Variants in MEGF9 observed in about 807,000 individuals in gnomAD.
The protein encoded by MEGF9 is multiple epidermal growth factor-like domains protein 9.
In MEGF9, 6 loss-of-function variants were observed where a neutral mutation model predicts 46.8. The observed-to-expected ratio is 0.13, with a 90% CI of 0.07 to 0.25. MEGF9 has a LOEUF of 0.25. MEGF9 is among the 10% of genes least tolerant of loss of function. MEGF9 has a pLI of 1.00. For missense variants in MEGF9, 683 were observed against 792.4 expected, an observed-to-expected ratio of 0.86 and a Z score of 1.66; for synonymous variants, 302 against 330.7, an observed-to-expected ratio of 0.91 and a Z score of 0.94.
chr9:120,709,841 A>C (rs999627672), intron 1 of MEGF9, among the ~76,000 whole-genome samples: 3 of 151,262 alleles, frequency 2.0e-5, no homozygotes, highest in Non-Finnish European at 4.4e-5. Context: ...CTGAGGTCAG[A>C]AGTTCGAGAC....
In MEGF9 at chr9:120,684,612, G is replaced by A. The variant is rs544942521; in HGVS notation, c.602-25037C>T. On this transcript the variant is annotated intron_variant, in intron 1 of 5. Coordinates refer to ENST00000373930, the MANE Select transcript of MEGF9 (RefSeq NM_001080497.3). ...CTGTGAAATTCTTTGCTTTATCATC[G>A]TGACTAAGCATTTGAGTAACATTTT... Among the ~76,000 whole-genome samples, 10 of 152,148 alleles carry A rather than the reference G, an allele frequency of 6.6e-5. No homozygotes were observed. The East Asian group carries it at 7.7e-4, about 12-fold the overall frequency.
intron 2 of MEGF9, among the ~76,000 whole-genome samples, chr9:120,643,903 T>C (rs1462590601): frequency 6.6e-6 from 1 of 152,036 alleles, no homozygotes; most frequent in Admixed American, 6.6e-5. Flanking sequence ...GTTGTAGAGA[T>C]GGGGTCTCCT....
chr9:120,663,099 C>A (rs1364391466), intron 1 of MEGF9, among the ~76,000 whole-genome samples: 1 of 152,086 alleles, frequency 6.6e-6, no homozygotes, highest in Non-Finnish European at 1.5e-5. Flanking sequence ...AGAGAGACCA[C>A]CCCAGGGATA....
chr9:120,688,180 CACA>C (rs2043832564), intron 1 of MEGF9, among the ~76,000 whole-genome samples: 2 of 151,572 alleles, frequency 1.3e-5, no homozygotes, highest in Non-Finnish European at 2.9e-5. Context: ...CGCACGCACA[CACA>C]ACTTCTCTTA....
At chr9:120,708,238 G>A (rs1230631758) in intron 1 of MEGF9, among the ~76,000 whole-genome samples, 1 of 152,078 alleles carries the variant, frequency 6.6e-6, no homozygotes, top group East Asian at 1.9e-4. Context: ...GGCGGCATGC[G>A]CCTGTAGTCC....
intron 3 of MEGF9, 48 bp from the exon 4 acceptor site, chr9:120,612,587 C>T: frequency 6.6e-7 from 1 of 1,518,458 alleles, no homozygotes; most frequent in Non-Finnish European, 8.9e-7. Context: ...ACCTTGAAAG[C>T]CAAGTAACTT....
At chr9:120,628,478 T>G (rs80226644) in intron 2 of MEGF9, among the ~76,000 whole-genome samples, 42 of 138,706 alleles carry the variant, frequency 3.0e-4, no homozygotes, top group African/African-American at 1.0e-3. Flanking sequence ...GTTTTTTTTT[T>G]TTTTTTTTTT....
At chr9:120,633,616 T>G (rs903222931) in intron 2 of MEGF9, among the ~76,000 whole-genome samples, 1 of 152,144 alleles carries the variant, frequency 6.6e-6, no homozygotes, top group Non-Finnish European at 1.5e-5. Context: ...ATCTTTATTA[T>G]GTCTTTCCTT....
At chr9:120,685,695 T>C (rs1311668946) in intron 1 of MEGF9, among the ~76,000 whole-genome samples, 2 of 152,198 alleles carry the variant, frequency 1.3e-5, no homozygotes, top group South Asian at 2.1e-4. Flanking sequence ...ATTTACCATA[T>C]ATGATTCAAC....
chr9:120,602,872 A>G lies in MEGF9; in HGVS notation c.*2318T>C, dbSNP rs2043403657. ...TATGCAGCAACTGCTAGGGAAAGCAAATTTTCCCTTCCTGCTTGGAGAGAT... is the reference window on the plus strand; with the variant it reads ...TATGCAGCAACTGCTAGGGAAAGCAGATTTTCCCTTCCTGCTTGGAGAGAT... On this transcript the variant is annotated 3_prime_UTR_variant, in exon 6 of 6. Transcript: ENST00000373930. The G allele has an allele frequency of 6.6e-6, 1 of 152,092 alleles. No homozygotes were observed. The highest frequency in any genetic ancestry group is 1.5e-5 in the Non-Finnish European group (1 of 68,018). 9.4% of individuals were successfully genotyped at this position (152,092 alleles called of 1,614,324 possible).
chr9:120,628,975 GTTTTGTT>G (rs1371759355), intron 2 of MEGF9, among the ~76,000 whole-genome samples: 1 of 151,336 alleles, frequency 6.6e-6, no homozygotes, highest in African/African-American at 2.4e-5. Flanking sequence ...TGATGACTTT[GTTTTGTT>G]TTTTGTTTTT....
rs771311729 is a variant in MEGF9 at position 120,659,544 on chromosome 9, G to C, written c.633C>G (p.Ser211Arg). Reference sequence around the variant, plus strand: ...TCTGGTTGCAGCGATTCACATTCAGGCTTCCAACCACAGAGCAGTTACATA... The same window carrying C: ...TCTGGTTGCAGCGATTCACATTCAGCCTTCCAACCACAGAGCAGTTACATA... Reference protein sequence around the residue: ...EYVCNCSVVGSLNVNRCNQTT... With the variant: ...EYVCNCSVVGRLNVNRCNQTT... The change falls in exon 2 of 6, where the codon AGC becomes AGG. Residue 211 changes from serine (S) to arginine (R), a missense_variant. Around this residue, in one of 2 missense-constraint regions of MEGF9, gnomAD observed 370 missense variants for 371.3 expected, o/e 1.00. Transcript: ENST00000373930. The C allele has an allele frequency of 6.2e-7, 1 of 1,613,080 alleles. No individual in the cohort carries two copies.
chr9:120,681,394 G>C (rs62578016), intron 1 of MEGF9, among the ~76,000 whole-genome samples: 132 of 152,244 alleles, frequency 8.7e-4, no homozygotes, highest in Non-Finnish European at 1.5e-3. Flanking sequence ...GGCTGAGCTT[G>C]TATCCAAGAT....
rs576726291 is a variant in MEGF9 at position 120,659,525 on chromosome 9, T to C, written c.652A>G (p.Asn218Asp). The C allele has an allele frequency of 6.8e-6, 11 of 1,613,670 alleles. No homozygotes were observed. The East Asian group carries it at 2.0e-4, about 29-fold the overall frequency. ...CACTCACACTGCCCTGTGGTCTGGT[T>C]GCAGCGATTCACATTCAGGCTTCCA... The part of the protein sequence containing the change: ...VVGSLNVNRC[N>D]QTTGQCECRP... The change falls in exon 2 of 6, where the codon AAC becomes GAC. Residue 218 changes from asparagine to aspartate, a missense_variant. Around this residue, in one of 2 missense-constraint regions of MEGF9, gnomAD observed 370 missense variants for 371.3 expected, o/e 1.00. Transcript: ENST00000373930.
intron 2 of MEGF9, among the ~76,000 whole-genome samples, chr9:120,637,241 C>A (rs2043581385): frequency 6.6e-6 from 1 of 152,046 alleles, no homozygotes; most frequent in Non-Finnish European, 1.5e-5. Flanking sequence ...CGTTAAGAGT[C>A]ATCACCACTC....
chr9:120,691,023 C>T (rs2043845689), intron 1 of MEGF9, among the ~76,000 whole-genome samples: 1 of 152,062 alleles, frequency 6.6e-6, no homozygotes, highest in Non-Finnish European at 1.5e-5. Flanking sequence ...CATTGATAAG[C>T]ATTTCTTTGA....
intron 1 of MEGF9, among the ~76,000 whole-genome samples, chr9:120,685,930 C>A (rs2043820304): frequency 6.6e-6 from 1 of 152,026 alleles, no homozygotes; most frequent in South Asian, 2.1e-4. Context: ...CATGGAGAAA[C>A]CTTGAGGTCA....
intron 1 of MEGF9, among the ~76,000 whole-genome samples, chr9:120,666,527 C>G (rs2043725825): frequency 6.6e-6 from 1 of 152,144 alleles, no homozygotes; most frequent in Admixed American, 6.5e-5. Flanking sequence ...GCATGCAGGA[C>G]TTTCAAAAAT....
Position 120,616,079 on chromosome 9 carries a change from C to T in MEGF9, c.944-3540G>A, listed in dbSNP as rs114225024. ...ACAACAGTCGTGAGAGGCAATAGCC[C>T]TTTCAGAGTTTTTCTCCCTCTAGTC... On this transcript the variant is annotated intron_variant, in intron 3 of 5. Transcript: ENST00000373930. 8.4e-3 allele frequency among the ~76,000 whole-genome samples: 1,273 copies of T among 152,060 alleles called. 14 individuals are homozygous for T. Among genetic ancestry groups the T allele is most frequent in the African/African-American group, 0.029 (1,211 of 41,480 alleles).
Sources: gnomAD v4.1 joint callset for allele counts (sites outside exome capture counted in the v4.1 genomes callset) on GRCh38, gnomAD v4.1.1 for gene constraint, gnomAD v4.1.1 regional missense constraint, MANE v1.5 for transcripts, NCBI Gene and HGNC (gene_info 2026-07-23, HGNC 2026-07-21) for gene names.